VTI1B: variants seen among roughly 807,000 people sequenced by gnomAD.
VTI1B encodes the protein vesicle transport through interaction with t-SNAREs homolog 1B.
VTI1B carries 18 observed loss-of-function variants against 28.6 expected under a neutral mutation model. That is an observed-to-expected ratio of 0.63 (90% CI 0.43 to 0.93). The LOEUF is 0.93. VTI1B is among the 40% of genes least tolerant of loss of function. The pLI is 0.00. For missense variants in VTI1B, 283 were observed against 297.0 expected, an observed-to-expected ratio of 0.95 and a Z score of 0.35; for synonymous variants, 100 against 107.9, an observed-to-expected ratio of 0.93 and a Z score of 0.46.
rs556408412 is a variant in VTI1B, at chr14:67,667,315, T to A, written c.116-4780A>T. The stretch of plus-strand genomic sequence containing the variant: ...CTTCAGTTTCACCAGCTCATAAATA[T>A]GTGGTTACTTTGCTTTTGGTGCCTC... On this transcript the variant is annotated intron_variant, in intron 1 of 5. Coordinates refer to ENST00000554659, the MANE Select transcript of VTI1B (RefSeq NM_006370.3). Among the ~76,000 whole-genome samples the A allele has an allele frequency of 9.2e-5, 14 of 152,318 alleles. No individual in the cohort carries two copies. In the East Asian group the frequency reaches 2.5e-3, roughly 27 times the overall value.
rs375513147 is a variant in VTI1B at position 67,659,537 on chromosome 14, C to T, written c.366+194G>A. ...AAGAAATCTAAATATGCATATAGTT[C>T]GAAAGGCCTGCCTTAAATAGAGCAG... On this transcript the variant is annotated intron_variant, in intron 3 of 5. Transcript: ENST00000554659. Among the ~76,000 whole-genome samples the T allele has an allele frequency of 1.0e-4, 15 of 150,138 alleles. No individual in the cohort carries two copies. The East Asian group carries it at 2.1e-3, about 21-fold the overall frequency.
Position 67,649,929 on chromosome 14 carries a change from T to C in VTI1B, c.*1456A>G, listed in dbSNP as rs2037150422. The C allele has an allele frequency of 1.3e-5, 2 of 152,156 alleles. No homozygotes were observed. 9.4% of individuals were successfully genotyped at this position (152,156 alleles called of 1,614,324 possible). ...AGTGAGGCATTTAGAGGGGTGAGCA[T>C]AGTAGCAGGTCTGGATAGGTTCTTC... On this transcript the variant is annotated 3_prime_UTR_variant, in exon 6 of 6. Transcript: ENST00000554659.
At chr14:67,669,862 G>A (rs1252998765) in intron 1 of VTI1B, among the ~76,000 whole-genome samples, 1 of 152,200 alleles carries the variant, frequency 6.6e-6, no homozygotes, top group Non-Finnish European at 1.5e-5. Flanking sequence ...CACTTTAAGA[G>A]GCTGAGGTGG....
intron 1 of VTI1B, among the ~76,000 whole-genome samples, chr14:67,664,132 G>A (rs2037372543): frequency 6.6e-6 from 1 of 152,158 alleles, no homozygotes; most frequent in Admixed American, 6.5e-5. Context: ...CACCTAGGCT[G>A]GCAAAATACA....
intron 1 of VTI1B, among the ~76,000 whole-genome samples, chr14:67,663,411 C>T (rs1015774542): frequency 3.9e-5 from 6 of 152,082 alleles, no homozygotes; most frequent in Admixed American, 6.6e-5. Context: ...CGGTGACTCA[C>T]GCCTGTAATC....
rs560347855 is a variant in VTI1B, at chr14:67,673,432, T to G, written c.115+943A>C. On this transcript the variant is annotated intron_variant, in intron 1 of 5. Transcript: ENST00000554659. ...TTTACTTTCCTGTATTCTTTAACACTGCCTCTTAATAGTTATATATTGTTT... is the reference window on the plus strand; with the variant it reads ...TTTACTTTCCTGTATTCTTTAACACGGCCTCTTAATAGTTATATATTGTTT... Among the ~76,000 whole-genome samples the G allele has an allele frequency of 2.1e-3, 322 of 152,346 alleles. 2 individuals are homozygous for G. Among genetic ancestry groups the G allele is most frequent in the African/African-American group, 7.4e-3 (307 of 41,578 alleles).
At chr14:67,653,358 C>G in intron 5 of VTI1B, 79 bp downstream of exon 5, 1 of 1,303,832 alleles carries the variant, frequency 7.7e-7, no homozygotes, top group South Asian at 1.2e-5. Flanking sequence ...TTATGAGGAC[C>G]TTTGTAAGTC....
chr14:67,650,582 AAAAATAGGT>A lies in VTI1B; in HGVS notation c.*794_*802del. On this transcript the variant is annotated 3_prime_UTR_variant, in exon 6 of 6. Coordinates refer to ENST00000554659, the MANE Select transcript of VTI1B (RefSeq NM_006370.3). ...GAGGATGAGGTGCAAGGGGCTTCCTAAAAATAGGTATTTTCTACTATAAAATGGACTCTT... is the reference window on the plus strand; with the variant it reads ...GAGGATGAGGTGCAAGGGGCTTCCTAATTTTCTACTATAAAATGGACTCTT... 1.3e-6 allele frequency: 1 copy of A among 752,508 alleles called. No homozygotes were observed. Among genetic ancestry groups the A allele is most frequent in the Non-Finnish European group, 2.2e-6 (1 of 447,702 alleles). The allele number at this position is 752,508 out of a possible 1,614,324, so 46.6% of individuals were successfully genotyped here.
chr14:67,652,208 G>C (rs370182842), intron 5 of VTI1B: 2 of 152,316 alleles, frequency 1.3e-5, no homozygotes, highest in East Asian at 1.9e-4. Context: ...GTTAGCACTC[G>C]AGGATTTTGT....
Position 67,651,263 on chromosome 14 carries a change from G to A in VTI1B, c.*122C>T, listed in dbSNP as rs992336541. The stretch of plus-strand genomic sequence containing the variant: ...CTTTCCTCCCTCCTCCCACAGCCTG[G>A]CTATACAGTGCATCCTTGAACTGTC... On this transcript the variant is annotated 3_prime_UTR_variant, in exon 6 of 6. Coordinates refer to ENST00000554659, the MANE Select transcript of VTI1B (RefSeq NM_006370.3). 1 of 1,571,040 alleles carries A rather than the reference G, an allele frequency of 6.4e-7. No homozygotes were observed. Among genetic ancestry groups the A allele is most frequent in the Non-Finnish European group, 8.6e-7 (1 of 1,159,448 alleles).
At chr14:67,658,583 C>T (rs1410560134) in intron 3 of VTI1B, among the ~76,000 whole-genome samples, 9 of 151,996 alleles carry the variant, frequency 5.9e-5, no homozygotes, top group South Asian at 2.1e-4. Context: ...GGTGACAGAG[C>T]GAGACTCCGT....
intron 1 of VTI1B, among the ~76,000 whole-genome samples, chr14:67,673,168 C>A (rs1445241042): frequency 7.2e-5 from 11 of 152,130 alleles, no homozygotes; most frequent in Non-Finnish European, 1.5e-4. Context: ...CATGGCAAAA[C>A]CCTGTCTCTA....
Position 67,650,503 on chromosome 14 carries a change from G to T in VTI1B, c.*882C>A, listed in dbSNP as rs926267165. 8.6e-6 allele frequency: 5 copies of T among 578,084 alleles called. No individual in the cohort carries two copies. The highest frequency in any genetic ancestry group is 1.2e-5 in the Non-Finnish European group (4 of 324,406). The allele number at this position is 578,084 out of a possible 1,614,324, so 35.8% of individuals were successfully genotyped here. ...ATGGTTTATTTCATTATCTTAAAAG[G>T]TTTCTTTTAATCTACTATAGCACAA... On this transcript the variant is annotated 3_prime_UTR_variant, in exon 6 of 6. Coordinates refer to ENST00000554659, the MANE Select transcript of VTI1B (RefSeq NM_006370.3).
In VTI1B at chr14:67,674,632, C is replaced by T. The variant is rs2037512080; in HGVS notation, c.-143G>A. ...CCAGGACGAGGCTCTTCCGGAGCCG[C>T]GGCAGGGTCCTCTCGAGCCGGAACG... is the stretch of plus-strand genomic sequence containing the variant. On this transcript the variant is annotated 5_prime_UTR_variant, in exon 1 of 6. Coordinates refer to ENST00000554659, the MANE Select transcript of VTI1B (RefSeq NM_006370.3). The T allele has an allele frequency of 3.4e-6, 2 of 580,896 alleles. No individual in the cohort carries two copies. The highest frequency in any genetic ancestry group is 3.8e-5 in the Admixed American group (1 of 26,374). The allele number at this position is 580,896 out of a possible 1,614,324, so 36.0% of individuals were successfully genotyped here.
rs866801100 is a variant in VTI1B, at chr14:67,656,570, C to CT, written c.385dup (p.Arg129LysfsTer9). The CT allele has an allele frequency of 6.2e-7, 1 of 1,608,626 alleles. No individual in the cohort carries two copies. Among genetic ancestry groups the CT allele is most frequent in the Non-Finnish European group, 8.5e-7 (1 of 1,178,032 alleles). The stretch of plus-strand genomic sequence containing the variant: ...TTCAGTGCCCTGCAGAAGCATTGCC[C>CT]TTTGAGACTGTAGCCGATTCTGAAA... On this transcript the variant is annotated frameshift_variant, in exon 4 of 6. Transcript: ENST00000554659. LOFTEE classifies it high-confidence loss of function.
rs749202009 is a variant in VTI1B at position 67,674,477 on chromosome 14, C to T, written c.13G>A (p.Ala5Thr). 4 of 1,605,162 alleles carry T rather than the reference C, an allele frequency of 2.5e-6. No homozygotes were observed. Among genetic ancestry groups the T allele is most frequent in the Non-Finnish European group, 3.4e-6 (4 of 1,177,086 alleles). ...TTCTCGAAATGCTCCGAGGAGGCGG[C>T]GGAGGAGGCCATGGCGCAGGCCGCG... MASS[A>T]ASSEHFEKLH... Residue 5 changes from alanine (A) to threonine (T), a missense_variant, in exon 1 of 6, where the codon GCC becomes ACC. Physicochemically the swap from Ala to Thr is moderately conservative, Grantham distance 58. Coordinates refer to ENST00000554659, the MANE Select transcript of VTI1B (RefSeq NM_006370.3).
intron 3 of VTI1B, among the ~76,000 whole-genome samples, chr14:67,657,739 TTTTC>T (rs1292457934): frequency 1.7e-4 from 25 of 145,990 alleles, no homozygotes; most frequent in South Asian, 8.7e-4. Flanking sequence ...GCAAGGAGCA[TTTTC>T]TTTCTTTCTT....
chr14:67,648,044 T>C lies in VTI1B; in HGVS notation c.*3341A>G. 1 of 1,607,582 alleles carries C rather than the reference T, an allele frequency of 6.2e-7. No homozygotes were observed. The highest frequency in any genetic ancestry group is 1.1e-5 in the South Asian group (1 of 90,264). Reference sequence around the variant, plus strand: ...AGTATTATTTTATCCTCTTCCTTTTTAGGAGACAAAGACCAATCCATTTGA... The same window carrying C: ...AGTATTATTTTATCCTCTTCCTTTTCAGGAGACAAAGACCAATCCATTTGA... On this transcript the variant is annotated 3_prime_UTR_variant, in exon 6 of 6. Coordinates refer to ENST00000554659, the MANE Select transcript of VTI1B (RefSeq NM_006370.3).
chr14:67,657,787 C>T (rs1304202415), intron 3 of VTI1B, among the ~76,000 whole-genome samples: 8 of 141,120 alleles, frequency 5.7e-5, no homozygotes, highest in Admixed American at 3.0e-4. Context: ...CTCGCTCTGT[C>T]GCCCGGGCTG....
Sources: gnomAD v4.1 joint callset for allele counts (sites outside exome capture counted in the v4.1 genomes callset) on GRCh38, gnomAD v4.1.1 for gene constraint, MANE v1.5 for transcripts, NCBI Gene and HGNC (gene_info 2026-07-23, HGNC 2026-07-21) for gene names.